The following ADAM12 variants were observed in gnomAD, a reference collection of about 807,000 sequenced individuals.
ADAM12 encodes disintegrin and metalloproteinase domain-containing protein 12.
ADAM12 carries 70 observed loss-of-function variants against 106.4 expected under a neutral mutation model. That is an observed-to-expected ratio of 0.66 (90% CI 0.54 to 0.80). The LOEUF (loss-of-function observed/expected upper bound fraction) is 0.80. ADAM12 is among the 30% of genes least tolerant of loss of function. ADAM12 has a pLI of 0.00. For synonymous variants in ADAM12, 420 were observed against 433.5 expected (o/e 0.97, Z 0.39); for missense variants, 1,010 against 1,171.9 (o/e 0.86, Z 2.02).
intron 2 of ADAM12, among the ~76,000 whole-genome samples, chr10:126,311,429 C>T (rs1438785274): frequency 1.3e-5 from 2 of 152,116 alleles, no homozygotes; most frequent in East Asian, 3.9e-4. Flanking sequence ...GAACATGTAT[C>T]TGGTCTCTGC....
intron 3 of ADAM12, among the ~76,000 whole-genome samples, chr10:126,209,554 G>T (rs143992412): frequency 9.8e-5 from 15 of 152,288 alleles, no homozygotes; most frequent in Admixed American, 8.5e-4. Flanking sequence ...TCACAGCTTT[G>T]CTGGCGACAA....
chr10:126,116,233 A>G (rs1253986166), intron 6 of ADAM12, among the ~76,000 whole-genome samples: 2 of 152,234 alleles, frequency 1.3e-5, no homozygotes, highest in Admixed American at 6.5e-5. Flanking sequence ...AGTGTCATTT[A>G]AGCCATCAAA....
intron 1 of ADAM12, among the ~76,000 whole-genome samples, chr10:126,380,263 T>C (rs1856443732): frequency 6.6e-6 from 1 of 152,190 alleles, no homozygotes; most frequent in African/African-American, 2.4e-5. Flanking sequence ...TGTGAGAAAG[T>C]GTAATATTCA....
At chr10:126,160,655 C>T (rs146588790) in intron 3 of ADAM12, among the ~76,000 whole-genome samples, 28 of 152,324 alleles carry the variant, frequency 1.8e-4, no homozygotes, top group African/African-American at 6.3e-4. Flanking sequence ...GCTCTGACTT[C>T]CTCAGGTCCT....
chr10:126,378,523 T>G (rs1278247194), intron 1 of ADAM12, among the ~76,000 whole-genome samples: 1 of 152,354 alleles, frequency 6.6e-6, no homozygotes, highest in South Asian at 2.1e-4. Flanking sequence ...GGGTACCATT[T>G]ACTTAACAGT....
intron 3 of ADAM12, among the ~76,000 whole-genome samples, chr10:126,164,527 T>A (rs1315001238): frequency 6.6e-6 from 1 of 152,214 alleles, no homozygotes; most frequent in African/African-American, 2.4e-5. Context: ...CTACAAATAC[T>A]TTCATATGTG....
intron 3 of ADAM12, among the ~76,000 whole-genome samples, chr10:126,243,878 G>A (rs1291225833): frequency 6.6e-6 from 1 of 152,164 alleles, no homozygotes; most frequent in Non-Finnish European, 1.5e-5. Context: ...GGGAATGTGA[G>A]GCTTAACCTC....
intron 4 of ADAM12, among the ~76,000 whole-genome samples, chr10:126,138,528 T>G (rs1193625077): frequency 6.6e-6 from 1 of 152,038 alleles, no homozygotes; most frequent in African/African-American, 2.4e-5. Context: ...GCACATGCCA[T>G]CACACCCAGC....
At chr10:126,109,302 T>G (rs115424273) in intron 7 of ADAM12, among the ~76,000 whole-genome samples, 2,129 of 152,292 alleles carry the variant, frequency 0.014, 56 homozygotes, top group African/African-American at 0.048. Flanking sequence ...TAATTCAAAA[T>G]TAATTAAAAT....
At chr10:126,325,702 A>G (rs543093444) in intron 2 of ADAM12, among the ~76,000 whole-genome samples, 4 of 152,310 alleles carry the variant, frequency 2.6e-5, no homozygotes, top group Admixed American at 6.5e-5. Flanking sequence ...CTCACGATCA[A>G]TCACATTTTG....
At chr10:126,148,195 A>G (rs1388041382) in intron 4 of ADAM12, among the ~76,000 whole-genome samples, 3 of 152,242 alleles carry the variant, frequency 2.0e-5, no homozygotes, top group Admixed American at 6.5e-5. Flanking sequence ...CAACCAGCTT[A>G]TACCAATTGT....
At chr10:126,045,418 G>A (rs1411457628) in intron 17 of ADAM12, among the ~76,000 whole-genome samples, 1 of 152,104 alleles carries the variant, frequency 6.6e-6, no homozygotes, top group African/African-American at 2.4e-5. Context: ...GTGTCTACAA[G>A]TTTTAAAATA....
At chr10:126,084,203 T>C (rs557302555) in intron 11 of ADAM12, among the ~76,000 whole-genome samples, 2 of 152,276 alleles carry the variant, frequency 1.3e-5, no homozygotes, top group African/African-American at 2.4e-5. Flanking sequence ...TGAGCTCTGG[T>C]CAGTTGAGAC....
intron 1 of ADAM12, among the ~76,000 whole-genome samples, chr10:126,374,611 C>T (rs1389773087): frequency 1.3e-5 from 2 of 151,970 alleles, no homozygotes; most frequent in Non-Finnish European, 2.9e-5. Context: ...AGACACAGCT[C>T]AAGAGAGAAT....
intron 9 of ADAM12, 133 bp from the exon 10 acceptor site, chr10:126,098,633 A>G (rs1458620065): frequency 5.9e-6 from 4 of 675,230 alleles, no homozygotes; most frequent in Non-Finnish European, 9.9e-6. Flanking sequence ...GTATATTCAC[A>G]TGTGATTTTA....
intron 2 of ADAM12, among the ~76,000 whole-genome samples, chr10:126,282,020 T>C (rs1454079546): frequency 6.6e-6 from 1 of 152,228 alleles, no homozygotes; most frequent in Non-Finnish European, 1.5e-5. Context: ...TTGGTGGGGC[T>C]GTCATAACAC....
chr10:126,257,912 C>T (rs1409816145), intron 3 of ADAM12, among the ~76,000 whole-genome samples: 2 of 152,170 alleles, frequency 1.3e-5, no homozygotes, highest in South Asian at 2.1e-4. Context: ...GGTGTCTTTA[C>T]AGGCACCATG....
At chr10:126,286,759 T>C (rs1959884060) in intron 2 of ADAM12, among the ~76,000 whole-genome samples, 1 of 152,188 alleles carries the variant, frequency 6.6e-6, no homozygotes, top group Admixed American at 6.5e-5. Context: ...TTGGGGCCTG[T>C]TTGTTATTAC....
intron 10 of ADAM12, among the ~76,000 whole-genome samples, chr10:126,095,331 A>G (rs1395086053): frequency 6.6e-6 from 1 of 151,976 alleles, no homozygotes; most frequent in Non-Finnish European, 1.5e-5. Context: ...TCAGGAGATC[A>G]AGACCATCCT....
Sources: gnomAD v4.1 joint callset for allele counts (sites outside exome capture counted in the v4.1 genomes callset) on GRCh38, gnomAD v4.1.1 for gene constraint, MANE v1.5 for transcripts, NCBI Gene and HGNC (gene_info 2026-07-23, HGNC 2026-07-21) for gene names.